CNBD1: variants seen among roughly 807,000 people sequenced by gnomAD.
CNBD1 encodes cyclic nucleotide binding domain containing 1.
A neutral mutation model predicts 54.4 loss-of-function variants in CNBD1; 71 were observed. The ratio of observed to expected loss-of-function variants is 1.30; its 90% confidence interval spans 1.08 to 1.59. CNBD1 has a LOEUF of 1.59. CNBD1 is among the 40% of genes most tolerant of loss of function. CNBD1 has a pLI of 0.00. For synonymous variants in CNBD1, 182 were observed against 170.7 expected (o/e 1.07, Z -0.51); for missense variants, 659 against 518.0 (o/e 1.27, Z -2.64).
chr8:87,117,902 C>T (rs564616991), intron 4 of CNBD1, among the ~76,000 whole-genome samples: 52 of 152,178 alleles, frequency 3.4e-4, no homozygotes, highest in African/African-American at 1.2e-3. Context: ...GTAATAAGAA[C>T]TTAGGATATA....
At chr8:87,406,788 A>C (rs555408214) in intron 2 of CNBD1, among the ~76,000 whole-genome samples, 2 of 152,010 alleles carry the variant, frequency 1.3e-5, no homozygotes, top group Admixed American at 1.3e-4. Flanking sequence ...CTCAGTTTAC[A>C]TATTAATTCA....
intron 8 of CNBD1, among the ~76,000 whole-genome samples, chr8:87,310,129 A>C (rs1286915186): frequency 6.6e-6 from 1 of 152,098 alleles, no homozygotes; most frequent in Non-Finnish European, 1.5e-5. Flanking sequence ...CCAAAGTGAG[A>C]GGATCACTTG....
chr8:87,369,146 T>C (rs1466919663), intron 10 of CNBD1, among the ~76,000 whole-genome samples: 2 of 152,050 alleles, frequency 1.3e-5, no homozygotes, highest in Non-Finnish European at 2.9e-5. Context: ...TGGCTAGATT[T>C]TTGGCTAAAT....
chr8:87,070,337 G>A (rs914293793), intron 4 of CNBD1, among the ~76,000 whole-genome samples: 3 of 151,974 alleles, frequency 2.0e-5, no homozygotes, highest in Non-Finnish European at 4.4e-5. Context: ...ATGGGGAAGA[G>A]GAGAAACCAC....
chr8:86,947,718 A>G (rs1807501878), intron 4 of CNBD1, among the ~76,000 whole-genome samples: 1 of 152,126 alleles, frequency 6.6e-6, no homozygotes, highest in Non-Finnish European at 1.5e-5. Flanking sequence ...GACATCATGG[A>G]GAATGGGGTG....
intron 2 of CNBD1, among the ~76,000 whole-genome samples, chr8:87,420,538 C>T (rs1807912879): frequency 6.6e-6 from 1 of 152,020 alleles, no homozygotes; most frequent in African/African-American, 2.4e-5. Context: ...TGCTGATACT[C>T]GGAGATGACA....
At chr8:87,372,681 T>C (rs1186593749) in intron 10 of CNBD1, among the ~76,000 whole-genome samples, 2 of 151,878 alleles carry the variant, frequency 1.3e-5, no homozygotes, top group Admixed American at 6.6e-5. Context: ...TGGCCTCTTT[T>C]CTGATGCTCT....
At chr8:87,134,340 A>T (rs1396638985) in intron 4 of CNBD1, among the ~76,000 whole-genome samples, 1 of 152,086 alleles carries the variant, frequency 6.6e-6, no homozygotes, top group Non-Finnish European at 1.5e-5. Context: ...GTTTTAGGAA[A>T]AAAACTTCCA....
chr8:87,087,614 C>G (rs946971130), intron 4 of CNBD1, among the ~76,000 whole-genome samples: 1 of 151,712 alleles, frequency 6.6e-6, no homozygotes, highest in African/African-American at 2.4e-5. Flanking sequence ...CAGGCGCCAG[C>G]CACCACGCCC....
intron 4 of CNBD1, among the ~76,000 whole-genome samples, chr8:87,005,173 G>A (rs1586192944): frequency 1.3e-5 from 2 of 151,800 alleles, no homozygotes; most frequent in East Asian, 3.9e-4. Context: ...CATGAGGTCA[G>A]GAGATCGAGA....
chr8:87,148,703 A>T (rs1170203655), intron 4 of CNBD1, among the ~76,000 whole-genome samples: 1 of 152,196 alleles, frequency 6.6e-6, no homozygotes, highest in Non-Finnish European at 1.5e-5. Flanking sequence ...CCCTGCCCTG[A>T]TGAAGAGGGA....
intron 8 of CNBD1, among the ~76,000 whole-genome samples, chr8:87,343,500 G>T (rs182162563): frequency 6.6e-6 from 1 of 152,130 alleles, no homozygotes; most frequent in Non-Finnish European, 1.5e-5. Context: ...CCCTCCATTC[G>T]GGGTCCCTGA....
intron 4 of CNBD1, among the ~76,000 whole-genome samples, chr8:86,998,805 T>A (rs1395766318): frequency 2.0e-5 from 3 of 152,206 alleles, no homozygotes; most frequent in Non-Finnish European, 4.4e-5. Context: ...GTGTGTCCCA[T>A]CTAGTTTTTA....
At chr8:87,130,115 C>T (rs1353739444) in intron 4 of CNBD1, among the ~76,000 whole-genome samples, 3 of 152,114 alleles carry the variant, frequency 2.0e-5, no homozygotes, top group African/African-American at 7.2e-5. Context: ...CCACCAGTTC[C>T]CTCCCACAAC....
intron 4 of CNBD1, among the ~76,000 whole-genome samples, chr8:87,079,260 G>A (rs1447523248): frequency 1.3e-5 from 2 of 151,658 alleles, no homozygotes; most frequent in Non-Finnish European, 2.9e-5. Flanking sequence ...TGTGCATTTG[G>A]GTTGATTTCA....
At chr8:87,002,997 C>T (rs976980804) in intron 4 of CNBD1, among the ~76,000 whole-genome samples, 4 of 152,152 alleles carry the variant, frequency 2.6e-5, no homozygotes, top group African/African-American at 9.7e-5. Flanking sequence ...TACTCGAACA[C>T]CTTTTCCCTT....
chr8:86,959,540 C>G (rs980154312), intron 4 of CNBD1, among the ~76,000 whole-genome samples: 14 of 151,992 alleles, frequency 9.2e-5, no homozygotes, highest in African/African-American at 1.2e-4. Context: ...TGGAGGCTTT[C>G]TTCATTTCTT....
rs62527342 is a variant in CNBD1, at chr8:87,174,047, C to T, written c.432-31946C>T. ...GATCTCGGCTCACTGCAACCTCCACCTCCTAGGTTCAAGCAATTCTCCTGC... is the reference window on the plus strand; with the variant it reads ...GATCTCGGCTCACTGCAACCTCCACTTCCTAGGTTCAAGCAATTCTCCTGC... On this transcript the variant is annotated intron_variant, in intron 4 of 10. Transcript: ENST00000518476. Among the ~76,000 whole-genome samples the T allele has an allele frequency of 3.3e-5, 5 of 152,034 alleles. No homozygotes were observed. The East Asian group carries it at 9.7e-4, about 29-fold the overall frequency.
At chr8:87,254,333 G>A (rs1807969660) in intron 6 of CNBD1, among the ~76,000 whole-genome samples, 1 of 152,172 alleles carries the variant, frequency 6.6e-6, no homozygotes, top group Non-Finnish European at 1.5e-5. Flanking sequence ...TTAATAAAGA[G>A]GCTATTTCAG....
Sources: gnomAD v4.1 joint callset for allele counts (sites outside exome capture counted in the v4.1 genomes callset) on GRCh38, gnomAD v4.1.1 for gene constraint, MANE v1.5 for transcripts, NCBI Gene and HGNC (gene_info 2026-07-23, HGNC 2026-07-21) for gene names.